SHC3: variants seen among roughly 807,000 people sequenced by gnomAD.
The protein encoded by SHC3 is SHC adaptor protein 3, also known as SHC-transforming protein 3.
In SHC3, 15 loss-of-function variants were observed where a neutral mutation model predicts 60.4. The ratio of observed to expected loss-of-function variants is 0.25; its 90% confidence interval spans 0.17 to 0.38. SHC3 has a LOEUF of 0.38. Among genes scored for constraint, SHC3 ranks in the 10% least tolerant of loss-of-function variants. SHC3 has a pLI of 1.00. For missense variants in SHC3, 677 were observed against 786.1 expected (o/e 0.86, Z 1.66); for synonymous variants, 294 against 325.9 (o/e 0.90, Z 1.05).
intron 2 of SHC3, among the ~76,000 whole-genome samples, chr9:89,103,619 A>G (rs1825814782): frequency 6.6e-6 from 1 of 152,236 alleles, no homozygotes; most frequent in African/African-American, 2.4e-5. Context: ...GAGATTATCA[A>G]TACGGAGAGC....
intron 11 of SHC3, among the ~76,000 whole-genome samples, chr9:89,020,748 G>A (rs1301060904): frequency 6.6e-6 from 1 of 152,124 alleles, no homozygotes; most frequent in East Asian, 1.9e-4. Flanking sequence ...AGGCATAGGG[G>A]AGGGGACACA....
chr9:89,027,004 G>A (rs1038626875), intron 11 of SHC3, among the ~76,000 whole-genome samples: 1 of 152,194 alleles, frequency 6.6e-6, no homozygotes, highest in African/African-American at 2.4e-5. Context: ...AGCAAAGTCT[G>A]TTCTTGACAA....
At chr9:89,074,627 C>T (rs1825324905) in intron 4 of SHC3, among the ~76,000 whole-genome samples, 1 of 149,066 alleles carries the variant, frequency 6.7e-6, no homozygotes, top group Admixed American at 6.7e-5. Flanking sequence ...TAGACAACAC[C>T]ACTTCTTATT....
At chr9:89,028,689 C>CTATATCTATATATTCTATA (rs1166543369) in intron 11 of SHC3, among the ~76,000 whole-genome samples, 1 of 144,020 alleles carries the variant, frequency 6.9e-6, no homozygotes, top group African/African-American at 2.5e-5. Context: ...AAGAGATAAT[C>CTATATCTATATATTCTATA]TATATCTATA....
rs763735205 is a variant in SHC3, at chr9:89,046,823, GA to G, written c.1113+20del. The G allele has an allele frequency of 1.1e-5, 17 of 1,496,508 alleles. No homozygotes were observed. Among genetic ancestry groups the G allele is most frequent in the Middle Eastern group, 2.0e-4 (1 of 5,022 alleles). 92.7% of individuals were successfully genotyped at this position (1,496,508 alleles called of 1,614,324 possible). On this transcript the variant is annotated intron_variant, in intron 8 of 11. Transcript: ENST00000375835. ...GAGTTAGCCTCCATTCCTTATATAA[GA>G]AAAAAACTATAAGACTTACCTGGGC...
chr9:89,073,751 G>A lies in SHC3; in HGVS notation c.729+1358C>T, dbSNP rs559258405. Among the ~76,000 whole-genome samples the A allele has an allele frequency of 4.6e-5, 7 of 152,306 alleles. No homozygotes were observed. In the South Asian group the frequency reaches 1.0e-3, roughly 23 times the overall value. On this transcript the variant is annotated intron_variant, in intron 4 of 11. Coordinates refer to ENST00000375835, the MANE Select transcript of SHC3 (RefSeq NM_016848.6). ...TTTGTTTTCTATTTTACTGAGGTGG[G>A]AGGGGAGTTCAGGGAGAAGATCCCA...
intron 1 of SHC3, among the ~76,000 whole-genome samples, chr9:89,116,937 T>A (rs751718884): frequency 6.6e-6 from 1 of 152,204 alleles, no homozygotes; most frequent in African/African-American, 2.4e-5. Context: ...TGCAGAGTTA[T>A]GTAAATATGA....
intron 1 of SHC3, among the ~76,000 whole-genome samples, chr9:89,123,064 G>C (rs1474020480): frequency 6.6e-6 from 1 of 152,168 alleles, no homozygotes; most frequent in African/African-American, 2.4e-5. Flanking sequence ...CAGGTGGGTG[G>C]TGTTACGAAT....
intron 11 of SHC3, among the ~76,000 whole-genome samples, chr9:89,022,870 T>A (rs1184888270): frequency 6.6e-6 from 1 of 152,256 alleles, no homozygotes; most frequent in Non-Finnish European, 1.5e-5. Flanking sequence ...CGGTGTACTG[T>A]CTATTCTGCA....
intron 1 of SHC3, among the ~76,000 whole-genome samples, chr9:89,129,956 G>A (rs1826219869): frequency 6.6e-6 from 1 of 152,120 alleles, no homozygotes; most frequent in African/African-American, 2.4e-5. Context: ...AAAAGACACA[G>A]ACTGGCAAAT....
At chr9:89,037,283 A>G (rs1824598250) in intron 11 of SHC3, 1 of 537,244 alleles carries the variant, frequency 1.9e-6, no homozygotes, top group African/African-American at 1.9e-5. Flanking sequence ...CTTAACTCCT[A>G]TTAAATAACT....
At position 89,157,418 on chromosome 9, in the gene SHC3, G is replaced by A. The variant is rs562500766; in HGVS notation, c.474+20569C>T. On this transcript the variant is annotated intron_variant, in intron 1 of 11. Transcript: ENST00000375835. ...CAGAGACAAGATGCAGACTCTCCCC[G>A]GAAGCCTCCAGAACAAATGAGCCCT... Among the ~76,000 whole-genome samples the A allele has an allele frequency of 1.1e-4, 16 of 152,268 alleles. No individual in the cohort carries two copies. The South Asian group carries it at 3.3e-3, about 32-fold the overall frequency.
At chr9:89,149,111 T>C (rs1432815161) in intron 1 of SHC3, among the ~76,000 whole-genome samples, 1 of 152,186 alleles carries the variant, frequency 6.6e-6, no homozygotes, top group Non-Finnish European at 1.5e-5. Context: ...GGCATCGCTG[T>C]GTGCATAATC....
At chr9:89,104,038 G>A (rs930223414) in intron 2 of SHC3, among the ~76,000 whole-genome samples, 21 of 152,292 alleles carry the variant, frequency 1.4e-4, no homozygotes, top group African/African-American at 5.1e-4. Context: ...AATGCACCAT[G>A]CCAGATGGTT....
Position 89,178,286 on chromosome 9 carries a change from C to G in SHC3, c.175G>C (p.Asp59His), listed in dbSNP as rs763664395. The change falls in exon 1 of 12, where the codon GAT becomes CAT. Residue 59 changes from aspartate to histidine, a missense_variant. Transcript: ENST00000375835. The surrounding 1 kb of genome is among the most constrained non-coding windows in gnomAD (Gnocchi z 6.9). ...SGEALRKAPD[D>H]GPGSLGHLLH... ...AGGTGGCCCAGGCTGCCGGGCCCAT[C>G]GTCGGGCGCCTTGCGCAGCGCCTCG... 6 of 1,561,032 alleles carry G rather than the reference C, an allele frequency of 3.8e-6. No individual in the cohort carries two copies. Among genetic ancestry groups the G allele is most frequent in the Non-Finnish European group, 5.2e-6 (6 of 1,156,004 alleles).
chr9:89,141,149 T>G lies in SHC3; in HGVS notation c.475-28523A>C, dbSNP rs180713154. ...ATGCAGATATCAAACAAGAAAGAAC[T>G]CATTCCCTAAGCAGGGAATTGACCC... is the stretch of plus-strand genomic sequence containing the variant. On this transcript the variant is annotated intron_variant, in intron 1 of 11. Coordinates refer to ENST00000375835, the MANE Select transcript of SHC3 (RefSeq NM_016848.6). Among the ~76,000 whole-genome samples the G allele has an allele frequency of 3.8e-4, 58 of 152,266 alleles. 1 individual carries two copies. The East Asian group carries it at 9.7e-3, about 25-fold the overall frequency.
chr9:89,158,139 G>A (rs1182778173), intron 1 of SHC3, among the ~76,000 whole-genome samples: 4 of 151,330 alleles, frequency 2.6e-5, no homozygotes, highest in Non-Finnish European at 4.4e-5. Context: ...TAAGCATTTG[G>A]TGCTATAAAT....
Position 89,011,791 on chromosome 9 carries a change from C to G in SHC3, c.*1656G>C, listed in dbSNP as rs949396682. The G allele has an allele frequency of 6.6e-6, 1 of 152,524 alleles. No homozygotes were observed. The highest frequency in any genetic ancestry group is 1.5e-5 in the Non-Finnish European group (1 of 68,182). 9.4% of individuals were successfully genotyped at this position (152,524 alleles called of 1,614,324 possible). ...ACTGACTTCACTGTCATCTCAAATT[C>G]ACTGGACCCTCAAAGGCAAAGACTC... is the stretch of plus-strand genomic sequence containing the variant. On this transcript the variant is annotated 3_prime_UTR_variant, in exon 12 of 12. Transcript: ENST00000375835.
At chr9:89,037,853 G>T in intron 11 of SHC3, 140 bp downstream of exon 11, 1 of 1,105,246 alleles carries the variant, frequency 9.0e-7, no homozygotes, top group Non-Finnish European at 1.3e-6. Context: ...GGAGTTGTCT[G>T]TCCCTGCGTT....
Sources: allele counts gnomAD v4.1 joint callset (sites outside exome capture counted in the v4.1 genomes callset), GRCh38; gene constraint gnomAD v4.1.1; non-coding constraint Gnocchi (gnomAD v3.1); transcripts MANE v1.5; gene names NCBI Gene and HGNC (gene_info 2026-07-23, HGNC 2026-07-21).